The following MYO16 variants were observed in gnomAD, a reference collection of about 807,000 sequenced individuals.
MYO16 encodes myosin XVI, also known as unconventional myosin-XVI.
A neutral mutation model predicts 205.3 loss-of-function variants in MYO16; 94 were observed. That is an observed-to-expected ratio of 0.46 (90% CI 0.39 to 0.54). The LOEUF (loss-of-function observed/expected upper bound fraction) is 0.54. MYO16 is among the 20% of genes least tolerant of loss of function. The pLI is 0.00. For synonymous variants in MYO16, 988 were observed against 954.0 expected, an observed-to-expected ratio of 1.04 and a Z score of -0.66; for missense variants, 2,315 against 2,387.5, an observed-to-expected ratio of 0.97 and a Z score of 0.63.
chr13:108,891,761 T>C (rs1178581000), intron 14 of MYO16, among the ~76,000 whole-genome samples: 1 of 152,250 alleles, frequency 6.6e-6, no homozygotes, highest in Non-Finnish European at 1.5e-5. Context: ...ATTATATTCA[T>C]GCAAGACAGC....
the MYO16 span, among the ~76,000 whole-genome samples, chr13:108,534,879 C>G: frequency 6.7e-6 from 1 of 149,266 alleles, no homozygotes; most frequent in Non-Finnish European, 1.5e-5. Flanking sequence ...TCTCCTTCTT[C>G]TTCTTCTCCT....
At chr13:109,105,535 G>A (rs1019479866) in intron 28 of MYO16, among the ~76,000 whole-genome samples, 1 of 152,010 alleles carries the variant, frequency 6.6e-6, no homozygotes, top group African/African-American at 2.4e-5. Flanking sequence ...GAATCCAATG[G>A]ATTTTTAGCT....
intron 4 of MYO16, among the ~76,000 whole-genome samples, chr13:108,756,649 C>T (rs1053192488): frequency 8.6e-5 from 13 of 151,602 alleles, no homozygotes; most frequent in Non-Finnish European, 1.6e-4. Context: ...TTTTACTTTC[C>T]TAACTACAGA....
chr13:108,689,568 G>A (rs1488330761), intron 2 of MYO16, among the ~76,000 whole-genome samples: 1 of 152,060 alleles, frequency 6.6e-6, no homozygotes, highest in Admixed American at 6.6e-5. Context: ...ATCATATTTA[G>A]TAAGAATTCA....
intron 23 of MYO16, among the ~76,000 whole-genome samples, chr13:109,026,785 G>T (rs369872521): frequency 1.2e-4 from 19 of 152,206 alleles, no homozygotes; most frequent in African/African-American, 4.6e-4. Context: ...TTCTTGGCCT[G>T]ATCTGAATTT....
At chr13:109,001,200 GGAA>G (rs1158169817) in intron 21 of MYO16, among the ~76,000 whole-genome samples, 1 of 150,856 alleles carries the variant, frequency 6.6e-6, no homozygotes, top group African/African-American at 2.4e-5. Context: ...AAAAAGAAAA[GGAA>G]GAGAAGGGGA....
intron 8 of MYO16, among the ~76,000 whole-genome samples, chr13:108,821,957 G>A (rs894186160): frequency 1.3e-5 from 2 of 152,050 alleles, no homozygotes; most frequent in African/African-American, 4.8e-5. Flanking sequence ...TTTATCACAT[G>A]CAAAACGCAA....
intron 4 of MYO16, among the ~76,000 whole-genome samples, chr13:108,766,899 C>A (rs1410878228): frequency 6.6e-6 from 1 of 152,070 alleles, no homozygotes; most frequent in Non-Finnish European, 1.5e-5. Context: ...TGGTTGTAAG[C>A]AATAGAGAAA....
chr13:108,540,340 C>T, the MYO16 span, among the ~76,000 whole-genome samples: 1 of 152,062 alleles, frequency 6.6e-6, no homozygotes, highest in Non-Finnish European at 1.5e-5. Flanking sequence ...TTTTGTAGAA[C>T]TGTAAAAGAA....
chr13:109,065,623 CT>C, intron 27 of MYO16: 1 of 461,098 alleles, frequency 2.2e-6, no homozygotes, highest in Non-Finnish European at 4.1e-6. Flanking sequence ...CCAAAGCTGC[CT>C]TTATCACCCT....
rs139951882 is a variant in MYO16, at chr13:108,966,754, C to A, written c.2369+1852C>A. On this transcript the variant is annotated intron_variant, in intron 20 of 34. Coordinates refer to ENST00000457511, the MANE Select transcript of MYO16 (RefSeq NM_001198950.3). ...AGTCACCCAAACCTGAATTTAAATC[C>A]CCAGATAATGCAAGAAAAGGTTATA... Among the ~76,000 whole-genome samples, 288 of 152,070 alleles carry A rather than the reference C, an allele frequency of 1.9e-3. 1 individual carries two copies. The highest frequency in any genetic ancestry group is 6.7e-3 in the African/African-American group (279 of 41,498).
At chr13:108,708,819 A>G (rs1883613566) in intron 2 of MYO16, among the ~76,000 whole-genome samples, 1 of 152,048 alleles carries the variant, frequency 6.6e-6, no homozygotes, top group East Asian at 1.9e-4. Flanking sequence ...CACAAAATAA[A>G]TGCTGACAAC....
chr13:108,535,869 T>G, the MYO16 span, among the ~76,000 whole-genome samples: 1 of 152,160 alleles, frequency 6.6e-6, no homozygotes, highest in African/African-American at 2.4e-5. Flanking sequence ...TGTTGATCAT[T>G]TTATTTGTCT....
At chr13:108,663,343 A>G (rs1881586656) in intron 1 of MYO16, among the ~76,000 whole-genome samples, 1 of 151,642 alleles carries the variant, frequency 6.6e-6, no homozygotes, top group African/African-American at 2.4e-5. Flanking sequence ...TGGTCATATT[A>G]TATATCTTAT....
intron 15 of MYO16, among the ~76,000 whole-genome samples, chr13:108,901,291 G>GA (rs1297312254): frequency 2.0e-5 from 3 of 152,020 alleles, no homozygotes; most frequent in Non-Finnish European, 2.9e-5. Flanking sequence ...CTCCCCTTTT[G>GA]AAAATCACTA....
intron 9 of MYO16, 119 bp from the exon 10 acceptor site, chr13:108,844,224 A>G (rs907747834): frequency 1.1e-5 from 8 of 720,438 alleles, no homozygotes; most frequent in African/African-American, 1.8e-5. Context: ...GCAGTTTATA[A>G]GAAATATTTC....
chr13:108,553,649 G>A, the MYO16 span, among the ~76,000 whole-genome samples: 1 of 152,048 alleles, frequency 6.6e-6, no homozygotes, highest in Non-Finnish European at 1.5e-5. Flanking sequence ...TTATTCCCAC[G>A]GTTGGAATAT....
At chr13:108,636,365 T>TGTGTGTGTG (rs1439881419) in intron 1 of MYO16, among the ~76,000 whole-genome samples, 2 of 64,894 alleles carry the variant, frequency 3.1e-5, no homozygotes, top group Non-Finnish European at 6.2e-5. Flanking sequence ...TTTTTTTTTT[T>TGTGTGTGTG]TTTTTGTGTG....
intron 2 of MYO16, among the ~76,000 whole-genome samples, chr13:108,710,714 A>C (rs965651866): frequency 6.6e-6 from 1 of 152,206 alleles, no homozygotes; most frequent in Non-Finnish European, 1.5e-5. Context: ...AAGAATATGG[A>C]TCACTGATTT....
Sources: allele counts gnomAD v4.1 joint callset (sites outside exome capture counted in the v4.1 genomes callset), GRCh38; gene constraint gnomAD v4.1.1; transcripts MANE v1.5; gene names NCBI Gene and HGNC (gene_info 2026-07-23, HGNC 2026-07-21).